The following SETD2 variants were observed in gnomAD, a reference collection of about 807,000 sequenced individuals.
SETD2 encodes the protein SET domain containing 2, histone lysine methyltransferase, also known as histone-lysine N-methyltransferase SETD2.
A neutral mutation model predicts 242.1 loss-of-function variants in SETD2; 31 were observed. The observed-to-expected ratio is 0.13, with a 90% CI of 0.10 to 0.17. The LOEUF (loss-of-function observed/expected upper bound fraction) is 0.17. Ranked by LOEUF, SETD2 falls within the 10% of genes least tolerant of loss-of-function variation. The pLI is 1.00. For synonymous variants in SETD2, 1,006 were observed against 1,066.5 expected (o/e 0.94, Z 1.11); for missense variants, 2,481 against 3,046.3 (o/e 0.81, Z 4.37).
At chr3:47,062,095 T>A in intron 14 of SETD2, 68 bp downstream of exon 14, 1 of 1,421,588 alleles carries the variant, frequency 7.0e-7, no homozygotes. Context: ...CAGAAGTATA[T>A]GACTTGGGTA....
rs144046990 is a variant in SETD2, at chr3:47,104,038, G to A, written c.4840-615C>T. 2.6e-5 allele frequency among the ~76,000 whole-genome samples: 4 copies of A among 152,182 alleles called. No individual in the cohort carries two copies. In the East Asian group the frequency reaches 7.7e-4, roughly 29 times the overall value. ...CCTTGAGTGTGTATCCAAATCCCATGGAGAGTTTGTTAAAACTTGCTGAAC... is the reference window on the plus strand; with the variant it reads ...CCTTGAGTGTGTATCCAAATCCCATAGAGAGTTTGTTAAAACTTGCTGAAC... On this transcript the variant is annotated intron_variant, in intron 6 of 20. Transcript: ENST00000409792.
At chr3:47,099,758 C>T (rs577442249) in intron 8 of SETD2, among the ~76,000 whole-genome samples, 2 of 152,116 alleles carry the variant, frequency 1.3e-5, no homozygotes, top group Non-Finnish European at 2.9e-5. Flanking sequence ...TATAAGCATG[C>T]ACCACTCACC....
At chr3:47,161,730 A>T (rs1697492761) in intron 1 of SETD2, among the ~76,000 whole-genome samples, 1 of 152,132 alleles carries the variant, frequency 6.6e-6, no homozygotes, top group Admixed American at 6.5e-5. Context: ...GAGGCCAGGG[A>T]TTCAAAACCA....
intron 9 of SETD2, among the ~76,000 whole-genome samples, chr3:47,089,190 A>T (rs2107654379): frequency 6.6e-6 from 1 of 152,356 alleles, no homozygotes; most frequent in East Asian, 1.9e-4. Context: ...TCACACTTGT[A>T]ATCTCAGCAC....
intron 9 of SETD2, among the ~76,000 whole-genome samples, chr3:47,096,019 G>T (rs541086264): frequency 2.0e-5 from 3 of 152,058 alleles, no homozygotes; most frequent in Non-Finnish European, 4.4e-5. Context: ...GCCTCCCAAA[G>T]TGCTGGGATT....
chr3:47,045,061 C>T (rs543891940), intron 16 of SETD2, among the ~76,000 whole-genome samples: 13 of 152,222 alleles, frequency 8.5e-5, no homozygotes, highest in African/African-American at 1.4e-4. Context: ...TCAACCTGTA[C>T]GCGGTAAATA....
At chr3:47,149,591 C>T (rs867491310) in intron 1 of SETD2, among the ~76,000 whole-genome samples, 7 of 152,182 alleles carry the variant, frequency 4.6e-5, no homozygotes, top group Non-Finnish European at 1.0e-4. Flanking sequence ...CTGCCTACTC[C>T]ATTTTTGCCT....
intron 1 of SETD2, among the ~76,000 whole-genome samples, chr3:47,151,342 CAT>C (rs1289159479): frequency 1.3e-5 from 2 of 151,990 alleles, no homozygotes; most frequent in Non-Finnish European, 1.5e-5. Context: ...TATATAAAAA[CAT>C]ATCTTTTAAA....
intron 7 of SETD2, among the ~76,000 whole-genome samples, chr3:47,103,010 T>C (rs1280339121): frequency 6.6e-6 from 1 of 152,170 alleles, no homozygotes; most frequent in Non-Finnish European, 1.5e-5. Flanking sequence ...GTTCCTGGAT[T>C]GGATCTTGGA....
At chr3:47,144,657 A>T (rs1354194735) in intron 1 of SETD2, among the ~76,000 whole-genome samples, 1 of 151,514 alleles carries the variant, frequency 6.6e-6, no homozygotes, top group Non-Finnish European at 1.5e-5. Context: ...ATAAAAATAA[A>T]AAATAAGTAA....
At chr3:47,160,467 ATT>A (rs3036093) in intron 1 of SETD2, among the ~76,000 whole-genome samples, 1 of 142,746 alleles carries the variant, frequency 7.0e-6, no homozygotes. Flanking sequence ...CACCAGACTA[ATT>A]TTTTTTTTTT....
At chr3:47,066,733 G>GA (rs561521465) in intron 13 of SETD2, among the ~76,000 whole-genome samples, 20 of 138,132 alleles carry the variant, frequency 1.4e-4, no homozygotes, top group Non-Finnish European at 2.2e-4. Context: ...TGGTGCGAAG[G>GA]AAAAAAAAAA....
rs555047420 is a variant in SETD2 at position 47,044,170 on chromosome 3, G to A, written c.7099-1470C>T. Among the ~76,000 whole-genome samples, 5 of 151,586 alleles carry A rather than the reference G, an allele frequency of 3.3e-5. No individual in the cohort carries two copies. In the East Asian group the frequency reaches 9.7e-4, roughly 29 times the overall value. ...AGCCTGGCCAACATAGTGAAACCCT[G>A]TCTCTACTAAAAATACAAAAGTATT... On this transcript the variant is annotated intron_variant, in intron 16 of 20. Transcript: ENST00000409792.
intron 1 of SETD2, among the ~76,000 whole-genome samples, chr3:47,148,485 AAG>A (rs1314654514): frequency 6.6e-6 from 1 of 152,124 alleles, no homozygotes; most frequent in Non-Finnish European, 1.5e-5. Flanking sequence ...TCTTTTAATG[AAG>A]ACAAAAAATA....
chr3:47,030,824 T>C (rs1351578629), intron 18 of SETD2, among the ~76,000 whole-genome samples: 6 of 152,218 alleles, frequency 3.9e-5, no homozygotes, highest in Non-Finnish European at 7.3e-5. Flanking sequence ...GTAGCTTTAT[T>C]TATAATTGCC....
chr3:47,113,719 G>T (rs1435117281), intron 5 of SETD2, among the ~76,000 whole-genome samples, 157 bp downstream of exon 5: 3 of 152,114 alleles, frequency 2.0e-5, no homozygotes, highest in Non-Finnish European at 4.4e-5. Context: ...TGAGCCTGTA[G>T]TTCCAGCTAC....
intron 18 of SETD2, among the ~76,000 whole-genome samples, chr3:47,029,470 CACAAATAAAAA>C (rs1314228379): frequency 2.8e-5 from 4 of 145,274 alleles, no homozygotes; most frequent in African/African-American, 1.0e-4. Flanking sequence ...TATTAAAACA[CACAAATAAAAA>C]GCAAAAAAAA....
intron 1 of SETD2, among the ~76,000 whole-genome samples, chr3:47,127,732 G>A (rs1264150959): frequency 2.6e-5 from 4 of 152,072 alleles, no homozygotes; most frequent in South Asian, 2.1e-4. Flanking sequence ...ATGGTGGTGC[G>A]TGCCTGTAAT....
intron 9 of SETD2, 53 bp from the exon 10 acceptor site, chr3:47,088,300 A>AAC: frequency 6.4e-7 from 1 of 1,553,890 alleles, no homozygotes; most frequent in Non-Finnish European, 8.6e-7. Flanking sequence ...ACAAAAAAAA[A>AAC]AACCAAAAAC....
Sources: gnomAD v4.1 joint callset for allele counts (sites outside exome capture counted in the v4.1 genomes callset) on GRCh38, gnomAD v4.1.1 for gene constraint, MANE v1.5 for transcripts, NCBI Gene and HGNC (gene_info 2026-07-23, HGNC 2026-07-21) for gene names.